TMEM114: variants seen among roughly 807,000 people sequenced by gnomAD.
TMEM114 encodes the protein transmembrane protein 114.
In TMEM114, 6 loss-of-function variants were observed where a neutral mutation model predicts 6.2. The observed-to-expected ratio is 0.97, with a 90% CI of 0.53 to 1.91. TMEM114 has a LOEUF of 1.91. TMEM114 is among the 40% of genes most tolerant of loss of function. TMEM114 has a pLI of 0.01. For synonymous variants in TMEM114, 104 were observed against 73.0 expected (o/e 1.42, Z -2.16); for missense variants, 218 against 158.3 (o/e 1.38, Z -2.02).
At chr16:8,544,305 A>G (rs1030723973) in intron 2 of TMEM114, among the ~76,000 whole-genome samples, 2 of 152,242 alleles carry the variant, frequency 1.3e-5, no homozygotes, top group African/African-American at 4.8e-5. Context: ...CGAATACTCA[A>G]CAAATGTTTG....
chr16:8,552,448 G>C (rs552723913), intron 2 of TMEM114, among the ~76,000 whole-genome samples: 4 of 151,760 alleles, frequency 2.6e-5, no homozygotes, highest in Non-Finnish European at 5.9e-5. Flanking sequence ...TGATTGAAAA[G>C]GTCTGCTTCA....
the TMEM114 span, among the ~76,000 whole-genome samples, chr16:8,531,601 C>A: frequency 3.9e-5 from 6 of 152,166 alleles, no homozygotes; most frequent in African/African-American, 1.2e-4. Flanking sequence ...ATCTCAGGAA[C>A]CCCGTCTGAG....
At position 8,572,126 on chromosome 16, in the gene TMEM114, G is replaced by T; in HGVS notation, c.400C>A (p.Leu134Ile). The change falls in exon 3 of 4, where the codon CTC (leucine) becomes ATC (isoleucine). Residue 134 changes from leucine to isoleucine, a missense_variant. Leu to Ile is a conservative substitution (Grantham distance 5). Transcript: ENST00000620492. ...GFLSFLLQAYLLLLLTGILFL... is the reference protein window; with the variant it reads ...GFLSFLLQAYILLLLTGILFL... ...AGAATTCCAGTGAGCAGGAGGAGGAGGTAGGCTTGGAGGAGGAAGCTCAGA... is the reference window on the plus strand; with the variant it reads ...AGAATTCCAGTGAGCAGGAGGAGGATGTAGGCTTGGAGGAGGAAGCTCAGA... The T allele has an allele frequency of 6.4e-7, 1 of 1,551,526 alleles. No homozygotes were observed. Among genetic ancestry groups the T allele is most frequent in the South Asian group, 1.2e-5 (1 of 84,026 alleles).
chr16:8,566,030 G>C (rs1331471927), downstream of TMEM114, among the ~76,000 whole-genome samples: 2 of 152,192 alleles, frequency 1.3e-5, no homozygotes, highest in African/African-American at 4.8e-5. Flanking sequence ...GATCAGAATA[G>C]AACAGAACCA....
chr16:8,563,699 T>G (rs117503597), intron 2 of TMEM114, among the ~76,000 whole-genome samples: 4,917 of 136,736 alleles, frequency 0.036, 125 homozygotes, highest in Non-Finnish European at 0.048. Context: ...ATGAGTGAGT[T>G]AGTGAATGAG....
chr16:8,580,314 C>T (rs1170867543), intron 2 of TMEM114, among the ~76,000 whole-genome samples: 3 of 152,014 alleles, frequency 2.0e-5, no homozygotes, highest in African/African-American at 7.2e-5. Context: ...TGGCGAAAAC[C>T]CGTCTCTACT....
At chr16:8,537,391 C>T (rs950683836), downstream of TMEM114, among the ~76,000 whole-genome samples, 3 of 152,136 alleles carry the variant, frequency 2.0e-5, no homozygotes, top group Non-Finnish European at 4.4e-5. Context: ...GTCCCAGCTA[C>T]TTGGGAAGCT....
chr16:8,569,152 A>C (rs1901636130), downstream of TMEM114, among the ~76,000 whole-genome samples: 2 of 152,184 alleles, frequency 1.3e-5, no homozygotes, highest in Admixed American at 1.3e-4. Context: ...CCAGGGGCAG[A>C]ACACCAGGAT....
At chr16:8,575,078 A>G (rs910808191) in intron 2 of TMEM114, among the ~76,000 whole-genome samples, 7 of 152,224 alleles carry the variant, frequency 4.6e-5, no homozygotes, top group Non-Finnish European at 1.0e-4. Context: ...AATAATCATC[A>G]TCACCAATTT....
intron 2 of TMEM114, among the ~76,000 whole-genome samples, chr16:8,577,441 C>T (rs1163020516): frequency 6.6e-6 from 1 of 152,210 alleles, no homozygotes; most frequent in East Asian, 1.9e-4. Context: ...CTCTTACTCA[C>T]CATGTGACCT....
intron 2 of TMEM114, among the ~76,000 whole-genome samples, chr16:8,573,030 G>T: frequency 6.6e-6 from 1 of 152,184 alleles, no homozygotes; most frequent in East Asian, 1.9e-4. Flanking sequence ...GAACATATTT[G>T]TCACCACAAG....
At chr16:8,533,438 G>C (rs1900271848), downstream of TMEM114, among the ~76,000 whole-genome samples, 1 of 152,172 alleles carries the variant, frequency 6.6e-6, no homozygotes, top group Non-Finnish European at 1.5e-5. Flanking sequence ...ATGGAGTATT[G>C]TGAGGGGCGA....
At chr16:8,585,948 TGAGGGTGAAC>T (rs1902305796) in intron 2 of TMEM114, among the ~76,000 whole-genome samples, 1 of 152,210 alleles carries the variant, frequency 6.6e-6, no homozygotes, top group South Asian at 2.1e-4. Flanking sequence ...GCCCTAGGAC[TGAGGGTGAAC>T]GAGTGAATAG....
At chr16:8,579,401 G>C (rs1902057040) in intron 2 of TMEM114, among the ~76,000 whole-genome samples, 1 of 152,162 alleles carries the variant, frequency 6.6e-6, no homozygotes, top group South Asian at 2.1e-4. Flanking sequence ...TTCTGGAAGA[G>C]CTCAGAGCTA....
At position 8,569,708 on chromosome 16, in the gene TMEM114, GGA is replaced by G; in HGVS notation, c.*63_*64del. On this transcript the variant is annotated 3_prime_UTR_variant, in exon 4 of 4. Transcript: ENST00000620492. ...TGAGGAAGAAGAGGCCGCAGCCGAT[GGA>G]GATCGGTCGGTGAAGCTCCGGGGCC... 6.7e-7 allele frequency: 1 copy of G among 1,483,450 alleles called. No individual in the cohort carries two copies. Among genetic ancestry groups the G allele is most frequent in the Non-Finnish European group, 9.0e-7 (1 of 1,113,904 alleles). 91.9% of individuals were successfully genotyped at this position (1,483,450 alleles called of 1,614,324 possible).
At chr16:8,534,669 G>A (rs1900305409), downstream of TMEM114, among the ~76,000 whole-genome samples, 2 of 152,184 alleles carry the variant, frequency 1.3e-5, no homozygotes, top group Non-Finnish European at 2.9e-5. Context: ...GCAATATGGT[G>A]GTTGTTACTG....
At chr16:8,556,754 C>T (rs959951765) in intron 2 of TMEM114, among the ~76,000 whole-genome samples, 2 of 152,152 alleles carry the variant, frequency 1.3e-5, no homozygotes, top group African/African-American at 2.4e-5. Context: ...CCACCCGCCT[C>T]AGCCTCCCAA....
rs1901684073 is a variant in TMEM114 at position 8,570,155 on chromosome 16, C to A, written c.440-150G>T. On this transcript the variant is annotated intron_variant, in intron 3 of 3. Coordinates refer to ENST00000620492, the MANE Select transcript of TMEM114 (RefSeq NM_001146336.2). ...ACCTTTGCGCGTGCTAGTCTCCCCG[C>A]TGGGTGCATTCACCCCTGCTTCTCT... 3 of 1,082,840 alleles carry A rather than the reference C, an allele frequency of 2.8e-6. No homozygotes were observed. The South Asian group carries it at 4.9e-5, about 18-fold the overall frequency. The allele number at this position is 1,082,840 out of a possible 1,614,324, so 67.1% of individuals were successfully genotyped here.
At chr16:8,585,933 GGT>G (rs1209960555) in intron 2 of TMEM114, among the ~76,000 whole-genome samples, 3 of 152,202 alleles carry the variant, frequency 2.0e-5, no homozygotes, top group African/African-American at 4.8e-5. Context: ...TGAAACTGCG[GGT>G]TAGCCCTAGG....
Sources: gnomAD v4.1 joint callset for allele counts (sites outside exome capture counted in the v4.1 genomes callset) on GRCh38, gnomAD v4.1.1 for gene constraint, MANE v1.5 for transcripts, NCBI Gene and HGNC (gene_info 2026-07-23, HGNC 2026-07-21) for gene names.